Variants in VPS54 observed in about 807,000 individuals in gnomAD.
VPS54 encodes the protein vacuolar protein sorting-associated protein 54.
VPS54 carries 45 observed loss-of-function variants against 121.5 expected under a neutral mutation model. That is an observed-to-expected ratio of 0.37 (90% CI 0.29 to 0.47). VPS54 has a LOEUF of 0.47. Among genes scored for constraint, VPS54 ranks in the 20% least tolerant of loss-of-function variants. VPS54 has a pLI of 0.99. For synonymous variants in VPS54, 371 were observed against 385.8 expected (o/e 0.96, Z 0.45); for missense variants, 1,090 against 1,131.4 (o/e 0.96, Z 0.52).
chr2:63,900,598 A>T (rs1184393461), intron 20 of VPS54, among the ~76,000 whole-genome samples: 1 of 152,216 alleles, frequency 6.6e-6, no homozygotes, highest in Non-Finnish European at 1.5e-5. Context: ...CAAAAAGTGG[A>T]CAAGGAACGC....
intron 11 of VPS54, among the ~76,000 whole-genome samples, chr2:63,938,983 A>T (rs1272117017): frequency 6.6e-6 from 1 of 152,262 alleles, no homozygotes; most frequent in Non-Finnish European, 1.5e-5. Context: ...CAGATCCTCA[A>T]GTTGTTAACA....
intron 5 of VPS54, among the ~76,000 whole-genome samples, chr2:63,968,153 C>A (rs1208225694): frequency 6.6e-6 from 1 of 151,918 alleles, no homozygotes; most frequent in Non-Finnish European, 1.5e-5. Flanking sequence ...TGTCACAGAC[C>A]TATTTGAGAA....
rs1676921803 is a variant in VPS54, at chr2:63,983,924, G to C, written c.76C>G (p.Pro26Ala). Residue 26 changes from proline (P) to alanine (A), a missense_variant, in exon 2 of 23, where the codon CCG (proline) becomes GCG (alanine). Around this residue, in one of 2 missense-constraint regions of VPS54, gnomAD observed 801 missense variants for 757.0 expected, o/e 1.06. Transcript: ENST00000272322. Reference protein sequence around the residue: ...SDVFFKIEVDPSKHIRPVPSL... With the variant: ...SDVFFKIEVDASKHIRPVPSL... ...GGCACAGGTCGAATGTGTTTTGACGGATCTACCTCTATTTTAAAGAAAACA... is the reference window on the plus strand; with the variant it reads ...GGCACAGGTCGAATGTGTTTTGACGCATCTACCTCTATTTTAAAGAAAACA... The C allele has an allele frequency of 5.6e-6, 9 of 1,613,778 alleles. No homozygotes were observed. The highest frequency in any genetic ancestry group is 1.3e-5 in the African/African-American group (1 of 75,014).
chr2:63,934,873 T>C (rs1056389603), intron 11 of VPS54, among the ~76,000 whole-genome samples: 2 of 152,156 alleles, frequency 1.3e-5, no homozygotes, highest in African/African-American at 4.8e-5. Context: ...CTAATGTCTT[T>C]ATGGACAATT....
intron 20 of VPS54, among the ~76,000 whole-genome samples, chr2:63,910,279 C>T (rs1673092239): frequency 6.6e-6 from 1 of 152,058 alleles, no homozygotes; most frequent in South Asian, 2.1e-4. Context: ...TAGGAAAAGT[C>T]ATCAATGGAG....
chr2:63,949,728 G>T (rs540589333), intron 7 of VPS54, among the ~76,000 whole-genome samples: 6 of 152,230 alleles, frequency 3.9e-5, no homozygotes, highest in African/African-American at 1.4e-4. Context: ...GGTGGAAGTG[G>T]AGGCAGAAGA....
intron 11 of VPS54, among the ~76,000 whole-genome samples, 182 bp downstream of exon 11, chr2:63,942,283 T>G (rs1299947765): frequency 6.6e-6 from 1 of 152,034 alleles, no homozygotes; most frequent in African/African-American, 2.4e-5. Flanking sequence ...ACTTATTAAA[T>G]TCTTAAAACT....
intron 3 of VPS54, among the ~76,000 whole-genome samples, chr2:63,979,771 T>C (rs892451855): frequency 6.6e-6 from 1 of 152,230 alleles, no homozygotes; most frequent in African/African-American, 2.4e-5. Flanking sequence ...GGTTTCCAAA[T>C]ATCTGTGGAT....
intron 1 of VPS54, 119 bp from the exon 2 acceptor site, chr2:63,984,138 T>A: frequency 1.2e-6 from 1 of 811,484 alleles, no homozygotes; most frequent in Non-Finnish European, 1.8e-6. Context: ...AAGTAGGCAA[T>A]TTGAATATTT....
At chr2:63,991,849 T>G (rs1054899745) in intron 1 of VPS54, among the ~76,000 whole-genome samples, 1 of 152,228 alleles carries the variant, frequency 6.6e-6, no homozygotes, top group African/African-American at 2.4e-5. Flanking sequence ...TCAACCCAGA[T>G]GGGTCCCAGC....
chr2:63,994,494 C>T (rs930507696), intron 1 of VPS54, among the ~76,000 whole-genome samples: 3 of 152,132 alleles, frequency 2.0e-5, no homozygotes, highest in Non-Finnish European at 2.9e-5. Flanking sequence ...TACAGATGAC[C>T]GTTGCCCCGC....
chr2:63,996,854 C>A (rs942407912), intron 1 of VPS54, among the ~76,000 whole-genome samples: 1 of 152,146 alleles, frequency 6.6e-6, no homozygotes, highest in African/African-American at 2.4e-5. Flanking sequence ...GGCCTGGTGA[C>A]CTTGCCCTGC....
chr2:63,964,962 T>C (rs1675924004), intron 6 of VPS54, among the ~76,000 whole-genome samples: 2 of 152,338 alleles, frequency 1.3e-5, no homozygotes, highest in African/African-American at 2.4e-5. Flanking sequence ...AAATATTAAA[T>C]GACTTTCAAG....
chr2:63,982,409 G>C (rs754691454), intron 2 of VPS54, among the ~76,000 whole-genome samples: 5 of 152,126 alleles, frequency 3.3e-5, no homozygotes, highest in Non-Finnish European at 7.4e-5. Flanking sequence ...ATTATTAGTA[G>C]TGTATTTGTT....
Position 63,972,245 on chromosome 2 carries a change from C to A in VPS54, c.379-1G>T. ...TGCATCTCTCATGAATCTTCTCTCT[C>A]TAATAAAAAGACAAATAACATCATC... On this transcript the variant is annotated splice_acceptor_variant, in intron 3 of 22. Coordinates refer to ENST00000272322, the MANE Select transcript of VPS54 (RefSeq NM_016516.3). LOFTEE classifies it high-confidence loss of function. 6.3e-7 allele frequency: 1 copy of A among 1,582,094 alleles called. No homozygotes were observed. Among genetic ancestry groups the A allele is most frequent in the Non-Finnish European group, 8.6e-7 (1 of 1,158,492 alleles).
intron 1 of VPS54, among the ~76,000 whole-genome samples, chr2:64,014,280 G>A (rs886639076): frequency 3.9e-5 from 6 of 152,068 alleles, no homozygotes; most frequent in African/African-American, 1.4e-4. Flanking sequence ...TCCAAATAAC[G>A]ACAGCATACT....
At chr2:63,979,241 G>GT (rs768489534) in intron 3 of VPS54, among the ~76,000 whole-genome samples, 3,634 of 123,494 alleles carry the variant, frequency 0.029, 71 homozygotes, top group Non-Finnish European at 0.03. Context: ...TTTTCTGTTT[G>GT]TTTTTTTTTT....
Position 63,933,814 on chromosome 2 carries a change from T to C in VPS54, c.1598A>G (p.Asp533Gly). 12 of 1,613,868 alleles carry C rather than the reference T, an allele frequency of 7.4e-6. No individual in the cohort carries two copies. The highest frequency in any genetic ancestry group is 9.3e-6 in the Non-Finnish European group (11 of 1,179,852). Reference sequence around the variant, plus strand: ...AGATGCATTTCTTTGAGAGGTAGTGTCAACTGCTATAGGTGTTAGCTCACC... The same window carrying C: ...AGATGCATTTCTTTGAGAGGTAGTGCCAACTGCTATAGGTGTTAGCTCACC... ...GEGELTPIAV[D>G]TTSQRNASPN... The change falls in exon 12 of 23, where the codon GAC (aspartate) becomes GGC (glycine). Residue 533 changes from aspartate (D) to glycine (G), a missense_variant. By Grantham distance (94) the Asp-to-Gly change is moderately conservative (BLOSUM62 -1). This residue lies in a region of VPS54 where 801 missense variants were observed against 757.0 expected (regional missense o/e 1.06). Transcript: ENST00000272322.
At chr2:63,965,579 T>C (rs1027867873) in intron 6 of VPS54, among the ~76,000 whole-genome samples, 1 of 152,238 alleles carries the variant, frequency 6.6e-6, no homozygotes, top group African/African-American at 2.4e-5. Flanking sequence ...GCCTTTCAAT[T>C]AAAATTCCAT....
Sources: gnomAD v4.1 joint callset for allele counts (sites outside exome capture counted in the v4.1 genomes callset) on GRCh38, gnomAD v4.1.1 for gene constraint, gnomAD v4.1.1 regional missense constraint, MANE v1.5 for transcripts, NCBI Gene and HGNC (gene_info 2026-07-23, HGNC 2026-07-21) for gene names.